The following GRAMD4 variants were observed in gnomAD, a reference collection of about 807,000 sequenced individuals.
GRAMD4 encodes GRAM domain-containing protein 4.
In GRAMD4, 25 loss-of-function variants were observed where a neutral mutation model predicts 83.9. That is an observed-to-expected ratio of 0.30 (90% CI 0.22 to 0.42). The LOEUF (loss-of-function observed/expected upper bound fraction) is 0.42. Ranked by LOEUF, GRAMD4 falls within the 10% of genes least tolerant of loss-of-function variation. GRAMD4 has a pLI of 1.00. For synonymous variants in GRAMD4, 336 were observed against 320.9 expected (o/e 1.05, Z -0.50); for missense variants, 593 against 788.7 (o/e 0.75, Z 2.97).
chr22:46,660,723 C>T (rs1421707347), intron 4 of GRAMD4, among the ~76,000 whole-genome samples: 1 of 152,198 alleles, frequency 6.6e-6, no homozygotes, highest in African/African-American at 2.4e-5. Context: ...GCCCTGTGTG[C>T]CCTGTGCTCC....
At chr22:46,619,567 T>C (rs1303892587), upstream of GRAMD4, among the ~76,000 whole-genome samples, 2 of 152,158 alleles carry the variant, frequency 1.3e-5, no homozygotes, top group Non-Finnish European at 2.9e-5. Context: ...GTGCTGGGAT[T>C]ACAGGCCTGA....
intron 1 of GRAMD4, among the ~76,000 whole-genome samples, chr22:46,596,691 C>T (rs1298485335): frequency 1.3e-5 from 2 of 152,222 alleles, no homozygotes; most frequent in African/African-American, 4.8e-5. Flanking sequence ...GCTGGGACTA[C>T]AGGCACATGC....
intron 13 of GRAMD4, among the ~76,000 whole-genome samples, chr22:46,669,680 AT>A (rs2082471528): frequency 6.7e-6 from 1 of 149,478 alleles, no homozygotes; most frequent in Admixed American, 6.7e-5. Flanking sequence ...GGTTCAAGTG[AT>A]TCTCCTGCCT....
intron 13 of GRAMD4, chr22:46,671,181 G>A (rs1601681012): frequency 2.3e-6 from 1 of 443,018 alleles, no homozygotes. Flanking sequence ...GGAGGCCTGG[G>A]AGCTCAGTCC....
intron 6 of GRAMD4, 67 bp downstream of exon 6, chr22:46,663,239 CG>C: frequency 1.4e-6 from 2 of 1,467,572 alleles, no homozygotes; most frequent in Non-Finnish European, 1.9e-6. Context: ...GAGGCTGCAG[CG>C]GGTGGGCCAT....
intron 1 of GRAMD4, among the ~76,000 whole-genome samples, chr22:46,605,538 C>G (rs555180157): frequency 1.3e-5 from 2 of 152,390 alleles, no homozygotes; most frequent in South Asian, 4.1e-4. Context: ...CTGTGATTCA[C>G]AGCAGCTGCA....
intron 1 of GRAMD4, among the ~76,000 whole-genome samples, chr22:46,606,588 G>T (rs1220348627): frequency 1.8e-5 from 2 of 108,396 alleles, no homozygotes; most frequent in African/African-American, 3.1e-5. Flanking sequence ...GAGCATCTCT[G>T]CATGGGTTTA....
At chr22:46,595,058 G>C (rs1043969324) in intron 1 of GRAMD4, among the ~76,000 whole-genome samples, 6 of 152,112 alleles carry the variant, frequency 3.9e-5, no homozygotes, top group Admixed American at 2.6e-4. Flanking sequence ...GCCTGGCGTC[G>C]AGGCAAAGCA....
intron 9 of GRAMD4, among the ~76,000 whole-genome samples, chr22:46,666,404 G>A (rs2147368530): frequency 6.6e-6 from 1 of 152,366 alleles, no homozygotes; most frequent in Admixed American, 6.5e-5. Flanking sequence ...TTATGCACCA[G>A]TGTTTCCAGA....
At chr22:46,598,284 G>A (rs2147038508) in intron 1 of GRAMD4, among the ~76,000 whole-genome samples, 1 of 152,152 alleles carries the variant, frequency 6.6e-6, no homozygotes, top group South Asian at 2.1e-4. Flanking sequence ...ACCTGGCTGG[G>A]TGGCGTTTTT....
chr22:46,589,464 G>A (rs866158106), intron 1 of GRAMD4, among the ~76,000 whole-genome samples: 22 of 150,508 alleles, frequency 1.5e-4, no homozygotes, highest in Non-Finnish European at 8.9e-5. Context: ...GGGCTGTTTG[G>A]GGGGATGGGG....
chr22:46,603,508 C>G (rs1460871512), intron 1 of GRAMD4, among the ~76,000 whole-genome samples: 2 of 56,638 alleles, frequency 3.5e-5, no homozygotes, highest in Admixed American at 2.2e-4. Flanking sequence ...CGCGCCCGGC[C>G]TCTTCTCTTT....
chr22:46,638,026 T>G, intron 3 of GRAMD4, 66 bp downstream of exon 3: 2 of 1,547,720 alleles, frequency 1.3e-6, no homozygotes, highest in South Asian at 2.3e-5. Flanking sequence ...AGATGGGGGA[T>G]GTCGTCTTGC....
chr22:46,597,009 CATCT>C (rs774682723), intron 1 of GRAMD4, among the ~76,000 whole-genome samples: 1 of 152,214 alleles, frequency 6.6e-6, no homozygotes. Context: ...AGCGTCCATC[CATCT>C]GTCAACCTGC....
intron 1 of GRAMD4, among the ~76,000 whole-genome samples, chr22:46,586,274 C>T (rs2081148782): frequency 6.6e-6 from 1 of 152,260 alleles, no homozygotes; most frequent in Admixed American, 6.5e-5. Context: ...TGGCTCCTCC[C>T]CACCGCCCCA....
intron 3 of GRAMD4, among the ~76,000 whole-genome samples, chr22:46,647,944 C>T (rs1424886045): frequency 6.6e-6 from 1 of 152,262 alleles, no homozygotes; most frequent in Non-Finnish European, 1.5e-5. Flanking sequence ...TCATATTCAT[C>T]TACCAACTGG....
rs184541977 is a variant in GRAMD4 at position 46,678,944 on chromosome 22, C to T, written c.*1693C>T. On this transcript the variant is annotated 3_prime_UTR_variant, in exon 19 of 19. Coordinates refer to ENST00000406902, the MANE Select transcript of GRAMD4 (RefSeq NM_015124.5). ...CGTTGGCGTCAGGATGACCACACGG[C>T]GGCCTTTCCCGAATGGGGACAGAAC... 710 of 985,788 alleles carry T rather than the reference C, an allele frequency of 7.2e-4. 8 individuals are homozygous for T. The Admixed American group carries it at 0.019, about 26-fold the overall frequency. 61.1% of individuals were successfully genotyped at this position (985,788 alleles called of 1,614,324 possible). A position where few individuals can be genotyped will look rare whatever the true frequency, so the allele number is the denominator to read the frequency against.
At chr22:46,668,538 T>A in intron 11 of GRAMD4, 151 bp from the exon 12 acceptor site, 1 of 777,986 alleles carries the variant, frequency 1.3e-6, no homozygotes, top group East Asian at 2.4e-5. Flanking sequence ...AGACCAGAGC[T>A]GGGCCTTCCC....
At chr22:46,612,357 G>A (rs907309271) in intron 1 of GRAMD4, among the ~76,000 whole-genome samples, 17 of 152,148 alleles carry the variant, frequency 1.1e-4, no homozygotes, top group Non-Finnish European at 2.1e-4. Context: ...GACCATGGAT[G>A]CTGTGCTGTG....
Sources: gnomAD v4.1 joint callset for allele counts (sites outside exome capture counted in the v4.1 genomes callset) on GRCh38, gnomAD v4.1.1 for gene constraint, MANE v1.5 for transcripts, NCBI Gene and HGNC (gene_info 2026-07-23, HGNC 2026-07-21) for gene names.